CPT1A: variants seen among roughly 807,000 people sequenced by gnomAD.
CPT1A encodes carnitine O-palmitoyltransferase 1, liver isoform.
In CPT1A, 64 loss-of-function variants were observed where a neutral mutation model predicts 100.8. That is an observed-to-expected ratio of 0.63 (90% CI 0.52 to 0.78). CPT1A has a LOEUF of 0.78. CPT1A is among the 30% of genes least tolerant of loss of function. The probability of loss-of-function intolerance (pLI) is 0.00; values close to 1 mark genes in which losing one functional copy is unlikely to be tolerated. For missense variants in CPT1A, 802 were observed against 1,034.1 expected (o/e 0.78, Z 3.08); for synonymous variants, 363 against 396.0 (o/e 0.92, Z 0.99).
chr11:68,798,839 C>T (rs535874524), intron 6 of CPT1A, among the ~76,000 whole-genome samples: 14 of 152,310 alleles, frequency 9.2e-5, no homozygotes, highest in African/African-American at 2.9e-4. Context: ...AACACAGCAT[C>T]GTGCTGGTGT....
chr11:68,802,888 C>T (rs940728071), intron 5 of CPT1A, among the ~76,000 whole-genome samples: 2 of 140,846 alleles, frequency 1.4e-5, no homozygotes, highest in Non-Finnish European at 3.0e-5. Flanking sequence ...CAGGGTGAGA[C>T]CCTGTCTCAA....
intron 1 of CPT1A, among the ~76,000 whole-genome samples, chr11:68,824,451 G>A (rs548913030): frequency 1.3e-5 from 2 of 152,032 alleles, no homozygotes; most frequent in African/African-American, 4.8e-5. Context: ...AAACAGGCAC[G>A]TGTACCCCCA....
upstream of CPT1A, among the ~76,000 whole-genome samples, chr11:68,843,837 C>T (rs1056889448): frequency 1.3e-5 from 2 of 152,210 alleles, no homozygotes; most frequent in Non-Finnish European, 2.9e-5. The surrounding 1 kb of genome is among the most constrained non-coding windows in gnomAD (Gnocchi z 4.0). Flanking sequence ...GCGCGTGAGG[C>T]TCTCCTTGCA....
chr11:68,759,560 C>T lies in CPT1A; in HGVS notation c.2235+9G>A, dbSNP rs1946761066. 6 of 1,579,960 alleles carry T rather than the reference C, an allele frequency of 3.8e-6. No individual in the cohort carries two copies. Among genetic ancestry groups the T allele is most frequent in the South Asian group, 3.3e-5 (3 of 90,356 alleles). ...ATCTTCAGAAAAAGGAACTTCTTTT[C>T]ATACATACCGTCTCAGGGCAAGAGA... is the stretch of plus-strand genomic sequence containing the variant. On this transcript the variant is annotated intron_variant, in intron 18 of 18. Transcript: ENST00000265641.
At chr11:68,758,584 G>T (rs1169109664) in intron 18 of CPT1A, among the ~76,000 whole-genome samples, 2 of 150,918 alleles carry the variant, frequency 1.3e-5, no homozygotes, top group Admixed American at 6.6e-5. Flanking sequence ...GCCAACAGAG[G>T]TAAACATGTT....
intron 14 of CPT1A, among the ~76,000 whole-genome samples, chr11:68,764,149 A>G (rs1854718653): frequency 6.6e-6 from 1 of 152,218 alleles, no homozygotes; most frequent in Non-Finnish European, 1.5e-5. Flanking sequence ...GGATAAGGAC[A>G]GAGACTGAGT....
intron 1 of CPT1A, among the ~76,000 whole-genome samples, chr11:68,817,702 G>A (rs1455055837): frequency 5.2e-5 from 7 of 135,010 alleles, no homozygotes; most frequent in Non-Finnish European, 8.3e-5. Context: ...GTCAAGGGCA[G>A]GTGGCTGGGG....
intron 1 of CPT1A, among the ~76,000 whole-genome samples, chr11:68,827,529 A>G (rs1193843309): frequency 1.0e-5 from 1 of 97,526 alleles, no homozygotes; most frequent in African/African-American, 4.2e-5. Flanking sequence ...ACCCCACCCC[A>G]CCCCCACCAG....
chr11:68,769,490 A>G (rs973364887), intron 14 of CPT1A, among the ~76,000 whole-genome samples: 7 of 149,774 alleles, frequency 4.7e-5, no homozygotes, highest in African/African-American at 1.7e-4. Flanking sequence ...GACTCAAGTG[A>G]TCCACCTGCC....
chr11:68,758,814 C>T (rs1461666690), intron 18 of CPT1A, among the ~76,000 whole-genome samples: 1 of 150,782 alleles, frequency 6.6e-6, no homozygotes, highest in Non-Finnish European at 1.5e-5. Flanking sequence ...GGCGGGGTTT[C>T]ACCATGTTGG....
chr11:68,776,148 C>T (rs1855132945), intron 12 of CPT1A, among the ~76,000 whole-genome samples: 1 of 152,220 alleles, frequency 6.6e-6, no homozygotes, highest in South Asian at 2.1e-4. Context: ...TCAGTAATCC[C>T]AGCACTTTGG....
At chr11:68,760,027 C>T (rs937020613) in intron 17 of CPT1A, among the ~76,000 whole-genome samples, 198 bp downstream of exon 17, 35 of 151,970 alleles carry the variant, frequency 2.3e-4, no homozygotes, top group African/African-American at 5.8e-4. Context: ...GGTGACAGAG[C>T]GAGACCTTGT....
chr11:68,763,723 G>A (rs558259624), intron 14 of CPT1A, among the ~76,000 whole-genome samples: 1 of 152,314 alleles, frequency 6.6e-6, no homozygotes, highest in Non-Finnish European at 1.5e-5. Context: ...GGGGTGTGAT[G>A]TGGCATTCAG....
intron 1 of CPT1A, among the ~76,000 whole-genome samples, chr11:68,822,560 T>G (rs995798281): frequency 4.0e-5 from 6 of 148,600 alleles, no homozygotes; most frequent in Non-Finnish European, 5.9e-5. Flanking sequence ...TGTAGAAAAA[T>G]AGACTTACCA....
chr11:68,823,108 G>A (rs1040990546), intron 1 of CPT1A, among the ~76,000 whole-genome samples: 25 of 152,072 alleles, frequency 1.6e-4, no homozygotes, highest in African/African-American at 6.0e-4. Flanking sequence ...AAATTAGATG[G>A]GTGCGGTGAT....
intron 14 of CPT1A, among the ~76,000 whole-genome samples, chr11:68,769,381 C>A (rs1235226701): frequency 6.6e-6 from 1 of 151,654 alleles, no homozygotes; most frequent in Non-Finnish European, 1.5e-5. Context: ...GGACTACAGG[C>A]ATGCGCCACC....
intron 11 of CPT1A, among the ~76,000 whole-genome samples, chr11:68,781,375 T>C (rs557096804): frequency 6.6e-6 from 1 of 152,266 alleles, no homozygotes; most frequent in Admixed American, 6.5e-5. Flanking sequence ...ATCTCAGCAC[T>C]TTGAGAGGCT....
Position 68,757,432 on chromosome 11 carries a change from C to A in CPT1A, c.*212G>T, listed in dbSNP as rs991626689. 1.4e-6 allele frequency: 2 copies of A among 1,432,922 alleles called. 1 individual carries two copies. The highest frequency in any genetic ancestry group is 2.9e-5 in the African/African-American group (2 of 69,690). 88.8% of individuals were successfully genotyped at this position (1,432,922 alleles called of 1,614,324 possible). On this transcript the variant is annotated 3_prime_UTR_variant, in exon 19 of 19. Coordinates refer to ENST00000265641, the MANE Select transcript of CPT1A (RefSeq NM_001876.4). ...TCAGGGGAGACTTTATCAGATGTCC[C>A]CCAAGGGAGGGCAAGTCTGGAAGTA...
At position 68,784,807 on chromosome 11, in the gene CPT1A, C is replaced by T. The variant is rs768943458; in HGVS notation, c.1163+8G>A. On this transcript the variant is annotated splice_region_variant and intron_variant, in intron 10 of 18. Coordinates refer to ENST00000265641, the MANE Select transcript of CPT1A (RefSeq NM_001876.4). ...CCCAAAACAGGACAAGGGACCTAGG[C>T]TGCGCACCTGTCTCCTGCGGTGAGG... 1 of 1,606,450 alleles carries T rather than the reference C, an allele frequency of 6.2e-7. No homozygotes were observed. The highest frequency in any genetic ancestry group is 8.5e-7 in the Non-Finnish European group (1 of 1,179,886).
Sources: gnomAD v4.1 joint callset for allele counts (sites outside exome capture counted in the v4.1 genomes callset) on GRCh38, gnomAD v4.1.1 for gene constraint, Gnocchi (gnomAD v3.1) non-coding constraint, MANE v1.5 for transcripts, NCBI Gene and HGNC (gene_info 2026-07-23, HGNC 2026-07-21) for gene names.